DDX46: variants seen among roughly 807,000 people sequenced by gnomAD.
The protein encoded by DDX46 is probable ATP-dependent RNA helicase DDX46.
DDX46 carries 30 observed loss-of-function variants against 134.9 expected under a neutral mutation model. That is an observed-to-expected ratio of 0.22 (90% CI 0.17 to 0.30). The LOEUF (loss-of-function observed/expected upper bound fraction) is 0.30, where lower values mean the gene tolerates loss of function less well. Among genes scored for constraint, DDX46 ranks in the 10% least tolerant of loss-of-function variants. The pLI is 1.00. For missense variants in DDX46, 622 were observed against 1,248.7 expected, an observed-to-expected ratio of 0.50 and a Z score of 7.56; for synonymous variants, 415 against 404.1, an observed-to-expected ratio of 1.03 and a Z score of -0.32.
intron 15 of DDX46, chr5:134,804,996 GC>G: frequency 2.6e-6 from 1 of 381,716 alleles, no homozygotes; most frequent in Non-Finnish European, 5.2e-6. Context: ...CATGCCACCT[GC>G]AGATTTTGGT....
intron 5 of DDX46, among the ~76,000 whole-genome samples, chr5:134,777,251 G>A (rs924648484): frequency 5.9e-5 from 9 of 152,188 alleles, no homozygotes; most frequent in African/African-American, 2.2e-4. Flanking sequence ...AAAGTTTGTA[G>A]TTCTGCATCC....
intron 18 of DDX46, among the ~76,000 whole-genome samples, chr5:134,814,508 A>G (rs1755234775): frequency 6.6e-6 from 1 of 152,238 alleles, no homozygotes; most frequent in Non-Finnish European, 1.5e-5. Context: ...ATTTGTTCAG[A>G]TTGTAATACC....
chr5:134,828,732 G>T lies in DDX46; in HGVS notation c.*26G>T. 1.4e-6 allele frequency: 2 copies of T among 1,471,546 alleles called. No homozygotes were observed. The allele number at this position is 1,471,546 out of a possible 1,614,324, so 91.2% of individuals were successfully genotyped here. On this transcript the variant is annotated 3_prime_UTR_variant, in exon 23 of 23. Transcript: ENST00000452510. ...ACATCCGGAAAAAAGATTTTTACCT[G>T]TGCTGGTCTATGATGTATGTGGCAG...
intron 9 of DDX46, 91 bp downstream of exon 9, chr5:134,783,156 C>CT: frequency 4.1e-6 from 6 of 1,468,408 alleles, no homozygotes; most frequent in Middle Eastern, 1.8e-4. Flanking sequence ...CATTTTTACT[C>CT]TAAAAAAACC....
chr5:134,808,188 T>C (rs1755043376), intron 16 of DDX46, among the ~76,000 whole-genome samples: 1 of 152,224 alleles, frequency 6.6e-6, no homozygotes, highest in Admixed American at 6.5e-5. Flanking sequence ...TTTTAGGTTT[T>C]TCCCCTCATG....
At position 134,764,222 on chromosome 5, in the gene DDX46, A is replaced by T. The variant is rs1245639877; in HGVS notation, c.206+130A>T. The T allele has an allele frequency of 3.6e-6, 3 of 828,190 alleles. No homozygotes were observed. In the South Asian group the frequency reaches 6.0e-5, roughly 16 times the overall value. The allele number at this position is 828,190 out of a possible 1,614,324, so 51.3% of individuals were successfully genotyped here. A position where few individuals can be genotyped will look rare whatever the true frequency, so the allele number is the denominator to read the frequency against. ...TTGCAGGCCCTTTTCTTTATCCCCT[A>T]CTTGTTTGATTAGACCCAGAAGGAT... On this transcript the variant is annotated intron_variant, in intron 2 of 22. Coordinates refer to ENST00000452510, the MANE Select transcript of DDX46 (RefSeq NM_001300860.2).
At chr5:134,817,464 T>C (rs747893512) in intron 19 of DDX46, 32 bp from the exon 20 acceptor site, 4 of 1,599,814 alleles carry the variant, frequency 2.5e-6, no homozygotes, top group East Asian at 2.2e-5. Flanking sequence ...CTGCCCTCAT[T>C]TGAGATTTAA....
chr5:134,772,836 T>C (rs1753816003), intron 4 of DDX46, among the ~76,000 whole-genome samples: 1 of 152,182 alleles, frequency 6.6e-6, no homozygotes, highest in South Asian at 2.1e-4. Context: ...AGTTCTGCTC[T>C]TGTTGCTGAG....
Position 134,829,599 on chromosome 5 carries a change from T to C in DDX46, c.*893T>C, listed in dbSNP as rs1755681276. On this transcript the variant is annotated 3_prime_UTR_variant, in exon 23 of 23. Coordinates refer to ENST00000452510, the MANE Select transcript of DDX46 (RefSeq NM_001300860.2). The stretch of plus-strand genomic sequence containing the variant: ...CTTTCTTAAAAATTGTAAAACATAA[T>C]GGTACCCAAGTTTTAAACTTAGATG... 6.6e-6 allele frequency: 1 copy of C among 152,220 alleles called. No homozygotes were observed. Among genetic ancestry groups the C allele is most frequent in the Admixed American group, 6.5e-5 (1 of 15,278 alleles). The allele number at this position is 152,220 out of a possible 1,614,324, so 9.4% of individuals were successfully genotyped here.
chr5:134,801,593 G>T (rs996073151), intron 15 of DDX46, among the ~76,000 whole-genome samples: 43 of 151,986 alleles, frequency 2.8e-4, no homozygotes, highest in African/African-American at 8.9e-4. Flanking sequence ...TGGAGATGAG[G>T]TTTCACCATG....
In DDX46 at chr5:134,758,921, A is replaced by G; in HGVS notation, c.-18A>G. Reference sequence around the variant, plus strand: ...GTGCGTGGTACTCAAGGGCACCAGTATTCCCGCGGTCGGCAGCATGGGTCG... The same window carrying G: ...GTGCGTGGTACTCAAGGGCACCAGTGTTCCCGCGGTCGGCAGCATGGGTCG... On this transcript the variant is annotated 5_prime_UTR_variant, in exon 1 of 23. Transcript: ENST00000452510. 6.2e-7 allele frequency: 1 copy of G among 1,613,408 alleles called. No individual in the cohort carries two copies. The highest frequency in any genetic ancestry group is 8.5e-7 in the Non-Finnish European group (1 of 1,179,856).
intron 17 of DDX46, 57 bp from the exon 18 acceptor site, chr5:134,811,639 A>G (rs889563168): frequency 6.6e-7 from 1 of 1,519,756 alleles, no homozygotes; most frequent in African/African-American, 1.4e-5. Flanking sequence ...ATTAGTATGA[A>G]TTCCTAAACA....
At chr5:134,827,204 TTC>T (rs1396311236) in intron 22 of DDX46, among the ~76,000 whole-genome samples, 184 bp downstream of exon 22, 1 of 152,118 alleles carries the variant, frequency 6.6e-6, no homozygotes, top group Non-Finnish European at 1.5e-5. Context: ...CCCAGAAGTC[TTC>T]TCTGTGTCTA....
Position 134,763,894 on chromosome 5 carries a change from ATTG to A in DDX46, c.18-7_18-5del, listed in dbSNP as rs759769281. 6 of 1,603,198 alleles carry A rather than the reference ATTG, an allele frequency of 3.7e-6. No individual in the cohort carries two copies. Among genetic ancestry groups the A allele is most frequent in the Non-Finnish European group, 5.1e-6 (6 of 1,174,684 alleles). On this transcript the variant is annotated splice_polypyrimidine_tract_variant and splice_region_variant and intron_variant, in intron 1 of 22. Transcript: ENST00000452510. Reference sequence around the variant, plus strand: ...GTTTGCTGAACTTAATCTTTGACTTATTGTTCTAGCCACTATCGAAAACGATCG... The same window carrying A: ...GTTTGCTGAACTTAATCTTTGACTTATTCTAGCCACTATCGAAAACGATCG...
chr5:134,805,522 C>A (rs536756438), intron 15 of DDX46, among the ~76,000 whole-genome samples: 3 of 149,622 alleles, frequency 2.0e-5, no homozygotes, highest in Admixed American at 6.7e-5. Flanking sequence ...GTTCTGATTT[C>A]TTTTCTTTTC....
intron 21 of DDX46, among the ~76,000 whole-genome samples, chr5:134,824,908 C>T (rs1032312546): frequency 6.6e-6 from 1 of 152,212 alleles, no homozygotes; most frequent in Non-Finnish European, 1.5e-5. Flanking sequence ...GACTTACATG[C>T]CTAGTCAGCC....
At chr5:134,764,192 C>A in intron 2 of DDX46, 100 bp downstream of exon 2, 1 of 1,201,216 alleles carries the variant, frequency 8.3e-7, no homozygotes, top group Non-Finnish European at 1.1e-6. Flanking sequence ...AGTTTGGTGG[C>A]CCAATTGCAG....
At chr5:134,788,929 A>C (rs936459683) in intron 12 of DDX46, among the ~76,000 whole-genome samples, 6 of 152,026 alleles carry the variant, frequency 3.9e-5, no homozygotes, top group African/African-American at 1.2e-4. Flanking sequence ...TTTTTTTCAG[A>C]AGTAACTCCA....
intron 9 of DDX46, among the ~76,000 whole-genome samples, 168 bp from the exon 10 acceptor site, chr5:134,784,198 C>T (rs891787036): frequency 6.6e-6 from 1 of 152,044 alleles, no homozygotes; most frequent in African/African-American, 2.4e-5. Flanking sequence ...AAGATTAGTC[C>T]ATATTGTAGA....
Sources: allele counts gnomAD v4.1 joint callset (sites outside exome capture counted in the v4.1 genomes callset), GRCh38; gene constraint gnomAD v4.1.1; transcripts MANE v1.5; gene names NCBI Gene and HGNC (gene_info 2026-07-23, HGNC 2026-07-21).